NCAM2: variants seen among roughly 807,000 people sequenced by gnomAD.
NCAM2 encodes neural cell adhesion molecule 2.
In NCAM2, 30 loss-of-function variants were observed where a neutral mutation model predicts 98.1. That is an observed-to-expected ratio of 0.31 (90% CI 0.23 to 0.41). The LOEUF is 0.41. Ranked by LOEUF, NCAM2 falls within the 10% of genes least tolerant of loss-of-function variation. NCAM2 has a pLI of 1.00. For missense variants in NCAM2, 867 were observed against 1,005.8 expected (o/e 0.86, Z 1.87); for synonymous variants, 368 against 342.4 (o/e 1.07, Z -0.83).
chr21:21,460,484 T>G (rs1982807839), intron 12 of NCAM2, among the ~76,000 whole-genome samples: 1 of 151,932 alleles, frequency 6.6e-6, no homozygotes, highest in African/African-American at 2.4e-5. Flanking sequence ...CAAACTTTAA[T>G]TTGGAAAAGT....
chr21:21,403,546 A>T (rs2076676326), intron 9 of NCAM2, among the ~76,000 whole-genome samples: 1 of 152,196 alleles, frequency 6.6e-6, no homozygotes, highest in Non-Finnish European at 1.5e-5. Context: ...TTTTATACCC[A>T]AACAGTTGTG....
chr21:21,480,820 T>G (rs1045729688), intron 15 of NCAM2, among the ~76,000 whole-genome samples: 1 of 152,186 alleles, frequency 6.6e-6, no homozygotes, highest in Admixed American at 6.5e-5. Context: ...TGCAATAGAT[T>G]GGATTCAGTC....
At chr21:21,115,020 C>T (rs1210633732) in intron 1 of NCAM2, among the ~76,000 whole-genome samples, 2 of 151,972 alleles carry the variant, frequency 1.3e-5, no homozygotes, top group Non-Finnish European at 2.9e-5. Flanking sequence ...GGGGTTTCAC[C>T]ATGTTGGCCA....
intron 1 of NCAM2, among the ~76,000 whole-genome samples, chr21:21,205,031 C>CAT (rs566062975): frequency 0.022 from 3,300 of 150,872 alleles, 98 homozygotes; most frequent in African/African-American, 0.073. Context: ...TGCAAAATAA[C>CAT]ATATATATAT....
chr21:21,363,870 C>T (rs1371685078), intron 8 of NCAM2, among the ~76,000 whole-genome samples: 1 of 152,008 alleles, frequency 6.6e-6, no homozygotes, highest in Admixed American at 6.6e-5. Flanking sequence ...ATTTCCAACT[C>T]TGTTTCTCCT....
rs758503324 is a variant in NCAM2 at position 21,373,915 on chromosome 21, A to G, written c.1097A>G (p.His366Arg). 6 of 1,611,180 alleles carry G rather than the reference A, an allele frequency of 3.7e-6. No homozygotes were observed. The highest frequency in any genetic ancestry group is 4.5e-5 in the East Asian group (2 of 44,738). Reference sequence around the variant, plus strand: ...GGGCAGCATGGAAGCTCATCACTGCATATTAAAGATGTGAAGTTGTCAGAT... The same window carrying G: ...GGGCAGCATGGAAGCTCATCACTGCGTATTAAAGATGTGAAGTTGTCAGAT... ...VKGQHGSSSLHIKDVKLSDSG... is the reference protein window; with the variant it reads ...VKGQHGSSSLRIKDVKLSDSG... Residue 366 changes from histidine to arginine, a missense_variant, in exon 9 of 18, where the codon CAT (histidine) becomes CGT (arginine). By Grantham distance (29) the His-to-Arg change is conservative. Transcript: ENST00000400546.
intron 9 of NCAM2, among the ~76,000 whole-genome samples, chr21:21,395,146 A>G (rs144933461): frequency 0.014 from 2,179 of 152,172 alleles, 43 homozygotes; most frequent in Admixed American, 0.038. Context: ...AGCCTGGGCA[A>G]CATGGCGAAA....
chr21:21,250,771 T>C (rs1029119389), intron 1 of NCAM2, among the ~76,000 whole-genome samples: 3 of 152,230 alleles, frequency 2.0e-5, no homozygotes, highest in Non-Finnish European at 2.9e-5. Flanking sequence ...TTCACTTCAT[T>C]ATGAATATAT....
At chr21:21,123,490 G>A (rs1219509127) in intron 1 of NCAM2, among the ~76,000 whole-genome samples, 1 of 151,758 alleles carries the variant, frequency 6.6e-6, no homozygotes, top group Non-Finnish European at 1.5e-5. Flanking sequence ...ATACCCATTC[G>A]ATATTATCTA....
intron 1 of NCAM2, among the ~76,000 whole-genome samples, chr21:21,010,388 T>C (rs2064187370): frequency 6.6e-6 from 1 of 152,112 alleles, no homozygotes; most frequent in Non-Finnish European, 1.5e-5. Flanking sequence ...TCAACTTTAC[T>C]GTGCTCGTGT....
intron 1 of NCAM2, among the ~76,000 whole-genome samples, chr21:21,256,081 G>A (rs113194163): frequency 1.3e-5 from 2 of 152,012 alleles, no homozygotes; most frequent in African/African-American, 2.4e-5. Context: ...CTGGCTGGGC[G>A]CAGTGGCTCA....
rs1373478234 is a variant in NCAM2 at position 21,025,591 on chromosome 21, A to G, written c.55+26973A>G. On this transcript the variant is annotated intron_variant, in intron 1 of 17. Coordinates refer to ENST00000400546, the MANE Select transcript of NCAM2 (RefSeq NM_004540.5). Reference sequence around the variant, plus strand: ...ATGTATTAATTTTACTTGGAGTCAAACCACTATATTTTTTTGTGTCCCAGG... The same window carrying G: ...ATGTATTAATTTTACTTGGAGTCAAGCCACTATATTTTTTTGTGTCCCAGG... 2.0e-5 allele frequency among the ~76,000 whole-genome samples: 3 copies of G among 150,950 alleles called. No individual in the cohort carries two copies. In the East Asian group the frequency reaches 5.9e-4, roughly 30 times the overall value.
rs542145060 is a variant in NCAM2 at position 21,197,889 on chromosome 21, G to T, written c.56-82689G>T. On this transcript the variant is annotated intron_variant, in intron 1 of 17. Coordinates refer to ENST00000400546, the MANE Select transcript of NCAM2 (RefSeq NM_004540.5). Reference sequence around the variant, plus strand: ...AATATCATTTAGCCATTGTGAAATGGACAGCATTGCACCTTTGGTGACAAA... The same window carrying T: ...AATATCATTTAGCCATTGTGAAATGTACAGCATTGCACCTTTGGTGACAAA... Among the ~76,000 whole-genome samples, 18 of 152,254 alleles carry T rather than the reference G, an allele frequency of 1.2e-4. No individual in the cohort carries two copies. In the South Asian group the frequency reaches 3.7e-3, roughly 32 times the overall value.
intron 9 of NCAM2, among the ~76,000 whole-genome samples, chr21:21,377,218 A>G (rs547890321): frequency 6.6e-6 from 1 of 151,898 alleles, no homozygotes; most frequent in African/African-American, 2.4e-5. Context: ...CCCATATATA[A>G]TGTAAAATAT....
chr21:21,519,776 A>G (rs1231230588), intron 16 of NCAM2, among the ~76,000 whole-genome samples: 1 of 152,140 alleles, frequency 6.6e-6, no homozygotes, highest in Admixed American at 6.6e-5. Context: ...TAAAATCTTA[A>G]TGAGGAATAG....
At chr21:21,228,482 A>G (rs2070481742) in intron 1 of NCAM2, among the ~76,000 whole-genome samples, 1 of 151,486 alleles carries the variant, frequency 6.6e-6, no homozygotes, top group Admixed American at 6.6e-5. Context: ...GATAAACTAC[A>G]ATTTATTCTC....
intron 1 of NCAM2, among the ~76,000 whole-genome samples, chr21:21,035,320 A>G (rs2064774354): frequency 6.6e-6 from 1 of 152,208 alleles, no homozygotes; most frequent in Non-Finnish European, 1.5e-5. Flanking sequence ...TTATGCAAAT[A>G]ACTATACTGC....
chr21:21,258,985 G>A (rs998581310), intron 1 of NCAM2, among the ~76,000 whole-genome samples: 2 of 152,258 alleles, frequency 1.3e-5, no homozygotes, highest in Admixed American at 6.5e-5. Flanking sequence ...TGACGGCCAC[G>A]AACAGATGTG....
At chr21:21,080,656 C>CAAAAAAAAAAAAAAAAAAA (rs1340023403) in intron 1 of NCAM2, among the ~76,000 whole-genome samples, 1 of 53,260 alleles carries the variant, frequency 1.9e-5, no homozygotes, top group Non-Finnish European at 3.3e-5. Context: ...GATAAGATCT[C>CAAAAAAAAAAAAAAAAAAA]AAAAAAAAAA....
Sources: gnomAD v4.1 joint callset for allele counts (sites outside exome capture counted in the v4.1 genomes callset) on GRCh38, gnomAD v4.1.1 for gene constraint, MANE v1.5 for transcripts, NCBI Gene and HGNC (gene_info 2026-07-23, HGNC 2026-07-21) for gene names.